The following DDX6 variants were observed in gnomAD, a reference collection of about 807,000 sequenced individuals.
The protein encoded by DDX6 is probable ATP-dependent RNA helicase DDX6.
A neutral mutation model predicts 60.6 loss-of-function variants in DDX6; 7 were observed. That is an observed-to-expected ratio of 0.12 (90% confidence interval 0.07 to 0.22). The LOEUF is 0.22. Among genes scored for constraint, DDX6 ranks in the 10% least tolerant of loss-of-function variants. The pLI, the probability that DDX6 is intolerant of heterozygous loss-of-function variation, is 1.00. For missense variants in DDX6, 270 were observed against 589.9 expected (o/e 0.46, Z 5.62); for synonymous variants, 207 against 201.0 (o/e 1.03, Z -0.25).
chr11:118,779,862 T>C, intron 3 of DDX6, 126 bp from the exon 4 acceptor site: 1 of 656,054 alleles, frequency 1.5e-6, no homozygotes, highest in South Asian at 2.0e-5. Context: ...ATGCCTGTAA[T>C]CCCAGCACTT....
intron 6 of DDX6, 133 bp downstream of exon 6, chr11:118,765,076 G>T: frequency 9.9e-7 from 1 of 1,007,014 alleles, no homozygotes. Context: ...TCGCTTGAAT[G>T]CAGTGGTCAT....
intron 4 of DDX6, 133 bp from the exon 5 acceptor site, chr11:118,768,485 A>G: frequency 5.7e-6 from 5 of 875,898 alleles, no homozygotes; most frequent in Non-Finnish European, 8.7e-6. Flanking sequence ...TGAATTCTAC[A>G]TGAATAGCAG....
At chr11:118,788,469 C>T (rs1862154632) in intron 1 of DDX6, 1 of 152,278 alleles carries the variant, frequency 6.6e-6, no homozygotes, top group Non-Finnish European at 1.5e-5. Context: ...GCGCTCTCAG[C>T]TCACTGCAAG....
At chr11:118,771,739 C>T (rs1421975812) in intron 4 of DDX6, among the ~76,000 whole-genome samples, 1 of 152,214 alleles carries the variant, frequency 6.6e-6, no homozygotes, top group East Asian at 1.9e-4. Context: ...TTAGTTTGCC[C>T]AAGGTCACAA....
At chr11:118,791,172 C>G (rs1428343177), upstream of DDX6, 1 of 152,334 alleles carries the variant, frequency 6.6e-6, no homozygotes, top group Admixed American at 6.6e-5. Flanking sequence ...TCTGCCCCCT[C>G]CCTCGCTCGC....
intron 1 of DDX6, 193 bp downstream of exon 1, chr11:118,790,905 T>G (rs1337715064): frequency 6.6e-6 from 1 of 152,282 alleles, no homozygotes; most frequent in Non-Finnish European, 1.5e-5. Flanking sequence ...CCACTCCCGC[T>G]CGGCACCCTC....
At chr11:118,785,999 C>A in intron 2 of DDX6, 53 bp downstream of exon 2, 1 of 1,545,848 alleles carries the variant, frequency 6.5e-7, no homozygotes, top group African/African-American at 1.4e-5. Flanking sequence ...ACCAAAGTAA[C>A]ACAAATCTTG....
chr11:118,784,521 C>T (rs1474270039), intron 2 of DDX6, among the ~76,000 whole-genome samples: 2 of 151,140 alleles, frequency 1.3e-5, no homozygotes, highest in East Asian at 3.9e-4. Flanking sequence ...TGCAGTGACA[C>T]GATCTTGGCT....
At chr11:118,780,702 G>T (rs1168047831) in intron 3 of DDX6, among the ~76,000 whole-genome samples, 2 of 152,146 alleles carry the variant, frequency 1.3e-5, no homozygotes, top group Non-Finnish European at 2.9e-5. Context: ...CACAAGATAT[G>T]AAGTTAAATC....
Position 118,750,464 on chromosome 11 carries a change from A to G in DDX6, c.*1641T>C, listed in dbSNP as rs1285881847. On this transcript the variant is annotated 3_prime_UTR_variant, in exon 14 of 14. Transcript: ENST00000534980. Reference sequence around the variant, plus strand: ...ATGGCAAGCAGCTTTCTGTAGCATGAAAGTTAACAGCTCTCAGGTTGCCCA... The same window carrying G: ...ATGGCAAGCAGCTTTCTGTAGCATGGAAGTTAACAGCTCTCAGGTTGCCCA... The G allele has an allele frequency of 6.6e-6, 1 of 152,210 alleles. No individual in the cohort carries two copies. The highest frequency in any genetic ancestry group is 1.5e-5 in the Non-Finnish European group (1 of 68,034). The allele number at this position is 152,210 out of a possible 1,614,324, so 9.4% of individuals were successfully genotyped here.
chr11:118,776,819 A>G (rs1486261809), intron 4 of DDX6, among the ~76,000 whole-genome samples: 5 of 151,224 alleles, frequency 3.3e-5, no homozygotes, highest in African/African-American at 1.2e-4. Flanking sequence ...GCAACAGAGT[A>G]AGGCTCTGTC....
In DDX6 at chr11:118,765,498, G is replaced by A; in HGVS notation, c.500-143C>T. The A allele has an allele frequency of 3.5e-6, 3 of 861,156 alleles. 1 individual carries two copies. In the South Asian group the frequency reaches 4.8e-5, roughly 14 times the overall value. 53.3% of individuals were successfully genotyped at this position (861,156 alleles called of 1,614,324 possible). A position where few individuals can be genotyped will look rare whatever the true frequency, so the allele number is the denominator to read the frequency against. On this transcript the variant is annotated intron_variant, in intron 5 of 13. Coordinates refer to ENST00000534980, the MANE Select transcript of DDX6 (RefSeq NM_004397.6). ...GCTCACACCTGTAACTGCACCTTAT[G>A]ATGCAGTGGCTCACGCCTGTAATCC... is the stretch of plus-strand genomic sequence containing the variant.
intron 3 of DDX6, 26 bp from the exon 4 acceptor site, chr11:118,779,762 A>G: frequency 1.3e-6 from 2 of 1,493,388 alleles, no homozygotes; most frequent in Non-Finnish European, 9.2e-7. Context: ...GGAACAATAA[A>G]AGAATAAATA....
chr11:118,760,042 T>A lies in DDX6; in HGVS notation c.744A>T (p.Ala248=). 1.2e-6 allele frequency: 2 copies of A among 1,611,300 alleles called. No homozygotes were observed. The highest frequency in any genetic ancestry group is 2.2e-5 in the East Asian group (1 of 44,804). The change falls in exon 8 of 14, where the codon GCA becomes GCT. Residue 248 remains alanine, a splice_region_variant and synonymous_variant. Transcript: ENST00000534980. Reference sequence around the variant, plus strand: ...CAAAATCCTGTGACAGCAACTTATCTGCCTGCAGTAGAAAGAAAAGACAAT... The same window carrying A: ...CAAAATCCTGTGACAGCAACTTATCAGCCTGCAGTAGAAAGAAAAGACAAT... The part of the protein sequence containing the change: ...DHVQMIVLDE[A]DKLLSQDFVQ...
intron 4 of DDX6, 55 bp from the exon 5 acceptor site, chr11:118,768,407 T>A: frequency 1.3e-6 from 2 of 1,587,964 alleles, no homozygotes; most frequent in South Asian, 2.2e-5. Context: ...ACAAGCAAAT[T>A]CCTCTCTGAA....
chr11:118,755,278 C>T (rs1555158463), intron 12 of DDX6, 124 bp downstream of exon 12: 2 of 624,364 alleles, frequency 3.2e-6, no homozygotes, highest in Non-Finnish European at 2.8e-6. Context: ...TACCAAACAA[C>T]TGAATTACTG....
chr11:118,761,493 G>A (rs1336429494), intron 7 of DDX6, among the ~76,000 whole-genome samples: 4 of 67,516 alleles, frequency 5.9e-5, no homozygotes, highest in Non-Finnish European at 1.1e-4. Context: ...GCACATGCCT[G>A]TAATCCCAGC....
upstream of DDX6, chr11:118,791,617 G>C (rs955691620): frequency 6.6e-6 from 1 of 152,330 alleles, no homozygotes; most frequent in Non-Finnish European, 1.5e-5. Context: ...ACAGGAAGCT[G>C]ACCTGACTTC....
At chr11:118,772,302 A>C (rs1307478003) in intron 4 of DDX6, among the ~76,000 whole-genome samples, 1 of 152,224 alleles carries the variant, frequency 6.6e-6, no homozygotes, top group Non-Finnish European at 1.5e-5. Context: ...GAGCCATACA[A>C]TAAAATATTA....
Sources: gnomAD v4.1 joint callset for allele counts (sites outside exome capture counted in the v4.1 genomes callset) on GRCh38, gnomAD v4.1.1 for gene constraint, MANE v1.5 for transcripts, NCBI Gene and HGNC (gene_info 2026-07-23, HGNC 2026-07-21) for gene names.